TSHZ3: variants seen among roughly 807,000 people sequenced by gnomAD.
The protein encoded by TSHZ3 is teashirt zinc finger homeobox 3, also known as teashirt homolog 3.
A neutral mutation model predicts 64.5 loss-of-function variants in TSHZ3; 10 were observed. The ratio of observed to expected loss-of-function variants is 0.16; its 90% CI spans 0.10 to 0.26. The LOEUF is 0.26. Among genes scored for constraint, TSHZ3 ranks in the 10% least tolerant of loss-of-function variants. The probability of loss-of-function intolerance (pLI) is 1.00; values close to 1 mark genes in which losing one functional copy is unlikely to be tolerated. For missense variants in TSHZ3, 1,242 were observed against 1,421.7 expected (o/e 0.87, Z 2.03); for synonymous variants, 608 against 593.1 (o/e 1.03, Z -0.36).
downstream of TSHZ3, among the ~76,000 whole-genome samples, chr19:31,271,310 A>G (rs973068340): frequency 2.0e-4 from 31 of 152,306 alleles, no homozygotes; most frequent in Non-Finnish European, 4.1e-4. Flanking sequence ...TTAGGGACAG[A>G]AAAATGGTGC....
intron 1 of TSHZ3, among the ~76,000 whole-genome samples, chr19:31,247,549 A>C (rs1975772794): frequency 6.6e-6 from 1 of 152,174 alleles, no homozygotes; most frequent in African/African-American, 2.4e-5. Flanking sequence ...AAGGAAGATA[A>C]AGGCATAAAA....
chr19:31,281,772 C>T (rs1689125031), intron 1 of TSHZ3, among the ~76,000 whole-genome samples: 1 of 152,226 alleles, frequency 6.6e-6, no homozygotes, highest in Non-Finnish European at 1.5e-5. Flanking sequence ...ATCTCACTCT[C>T]CCTCACCTGC....
chr19:31,273,912 C>A (rs1326115289), downstream of TSHZ3, among the ~76,000 whole-genome samples: 1 of 152,180 alleles, frequency 6.6e-6, no homozygotes, highest in Non-Finnish European at 1.5e-5. Flanking sequence ...CATCCCAAGG[C>A]AAGAGCTTAG....
intron 1 of TSHZ3, among the ~76,000 whole-genome samples, chr19:31,264,578 C>T (rs1037335287): frequency 3.3e-5 from 5 of 152,184 alleles, no homozygotes; most frequent in African/African-American, 9.6e-5. Flanking sequence ...CTAAAATGGG[C>T]GGCTGCTGCC....
chr19:31,231,513 C>T (rs1262912497), intron 3 of TSHZ3, among the ~76,000 whole-genome samples: 1 of 152,226 alleles, frequency 6.6e-6, no homozygotes, highest in East Asian at 1.9e-4. Flanking sequence ...GTATGAGGTG[C>T]CATTTGTAAA....
intron 5 of TSHZ3, among the ~76,000 whole-genome samples, chr19:31,183,287 G>T (rs1974752288): frequency 1.3e-5 from 2 of 150,366 alleles, no homozygotes; most frequent in African/African-American, 4.9e-5. Flanking sequence ...CAGTGTAGGT[G>T]CTGTCATAAT....
chr19:31,349,112 C>T, intron 1 of TSHZ3, 68 bp downstream of exon 1: 1 of 1,510,324 alleles, frequency 6.6e-7, no homozygotes, highest in Non-Finnish European at 8.9e-7. Flanking sequence ...GGGTCGCGCC[C>T]GCTGGAGGCG....
At chr19:31,290,221 C>T (rs77500626) in intron 1 of TSHZ3, among the ~76,000 whole-genome samples, 21,694 of 152,134 alleles carry the variant, frequency 0.14, 1,744 homozygotes, top group African/African-American at 0.2. Context: ...GAGGGATAGA[C>T]AGACAGGGAG....
chr19:31,158,543 G>A (rs1244966554), intron 5 of TSHZ3, among the ~76,000 whole-genome samples: 2 of 152,140 alleles, frequency 1.3e-5, no homozygotes, highest in Non-Finnish European at 2.9e-5. Context: ...TGGTACTAGG[G>A]ACTGGTTTCG....
At chr19:31,302,845 T>C (rs1042373552) in intron 1 of TSHZ3, among the ~76,000 whole-genome samples, 2 of 152,270 alleles carry the variant, frequency 1.3e-5, no homozygotes, top group East Asian at 3.9e-4. Context: ...AGGGTCTAGC[T>C]CAATAAGGCC....
Position 31,276,590 on chromosome 19 carries a change from G to A in TSHZ3, c.3203C>T (p.Pro1068Leu), listed in dbSNP as rs541898039. 5 of 1,589,654 alleles carry A rather than the reference G, an allele frequency of 3.1e-6. No individual in the cohort carries two copies. Among genetic ancestry groups the A allele is most frequent in the African/African-American group, 1.3e-5 (1 of 74,410 alleles). ...LHLSKTHGKSPEDHLLYVSEL... is the reference protein window; with the variant it reads ...LHLSKTHGKSLEDHLLYVSEL... The stretch of plus-strand genomic sequence containing the variant: ...AGAGACATACAGAAGGTGGTCTTCC[G>A]GAGATTTCCCGTGTGTTTTGCTAAG... Residue 1068 changes from proline (P) to leucine (L), a missense_variant, in exon 2 of 2, where the codon CCG becomes CTG. Physicochemically the swap from Pro to Leu is moderately conservative, Grantham distance 98. Transcript: ENST00000240587.
chr19:31,328,284 G>A lies in TSHZ3; in HGVS notation c.40+20896C>T, dbSNP rs1599651276. 3.3e-5 allele frequency among the ~76,000 whole-genome samples: 5 copies of A among 152,376 alleles called. No homozygotes were observed. The East Asian group carries it at 9.6e-4, about 29-fold the overall frequency. On this transcript the variant is annotated intron_variant, in intron 1 of 1. Coordinates refer to ENST00000240587, the MANE Select transcript of TSHZ3 (RefSeq NM_020856.4). ...ACTCACTCTGTCCACCTGAGGGGAA[G>A]ACCAGTGGGCACTTCTCTGAGTGTG...
At chr19:31,346,273 A>G (rs1185764060) in intron 1 of TSHZ3, among the ~76,000 whole-genome samples, 2 of 152,114 alleles carry the variant, frequency 1.3e-5, no homozygotes, top group Non-Finnish European at 2.9e-5. Context: ...AAAGGGCCCT[A>G]ATTCCTATGA....
At chr19:31,181,755 G>C (rs999473553) in intron 5 of TSHZ3, among the ~76,000 whole-genome samples, 5 of 152,166 alleles carry the variant, frequency 3.3e-5, no homozygotes, top group African/African-American at 1.2e-4. Context: ...TTGGAAAGTG[G>C]CCTTCTGCTT....
At chr19:31,165,837 A>T (rs777772421) in intron 5 of TSHZ3, among the ~76,000 whole-genome samples, 1 of 152,168 alleles carries the variant, frequency 6.6e-6, no homozygotes, top group Non-Finnish European at 1.5e-5. Context: ...ATTTGTTTGA[A>T]TTTTATTTGT....
At chr19:31,193,736 G>T (rs1458878312) in intron 5 of TSHZ3, among the ~76,000 whole-genome samples, 1 of 152,142 alleles carries the variant, frequency 6.6e-6, no homozygotes, top group East Asian at 1.9e-4. Flanking sequence ...TTATGATGTG[G>T]ATAACTGGAG....
intron 5 of TSHZ3, among the ~76,000 whole-genome samples, chr19:31,169,243 A>G (rs1974501093): frequency 6.6e-6 from 1 of 152,220 alleles, no homozygotes; most frequent in Non-Finnish European, 1.5e-5. Flanking sequence ...CAAAATATTA[A>G]ACATAGAATA....
Position 31,279,244 on chromosome 19 carries a change from G to A in TSHZ3, c.549C>T (p.Arg183=). 6 of 1,614,174 alleles carry A rather than the reference G, an allele frequency of 3.7e-6. No individual in the cohort carries two copies. Among genetic ancestry groups the A allele is most frequent in the Non-Finnish European group, 5.1e-6 (6 of 1,180,036 alleles). The part of the protein sequence containing the change: ...AKTLQQVSQS[R]MLPEPSLFST... ...TGAAGAGGCTGGGCTCCGGGAGCAT[G>A]CGGCTCTGTGACACCTGCTGCAGCG... Residue 183 remains arginine (R), a synonymous_variant, in exon 2 of 2, where the codon CGC becomes CGT. Coordinates refer to ENST00000240587, the MANE Select transcript of TSHZ3 (RefSeq NM_020856.4). This position sits in a 1 kb window ranked among gnomAD's most constrained non-coding sequence, Gnocchi z 6.4.
chr19:31,297,080 AG>A (rs1976675229), intron 1 of TSHZ3, among the ~76,000 whole-genome samples: 1 of 152,200 alleles, frequency 6.6e-6, no homozygotes, highest in African/African-American at 2.4e-5. Context: ...CAGGGGGCAT[AG>A]CACCCCTAAC....
Sources: gnomAD v4.1 joint callset for allele counts (sites outside exome capture counted in the v4.1 genomes callset) on GRCh38, gnomAD v4.1.1 for gene constraint, Gnocchi (gnomAD v3.1) non-coding constraint, MANE v1.5 for transcripts, NCBI Gene and HGNC (gene_info 2026-07-23, HGNC 2026-07-21) for gene names.